Variants in LARP4 observed in about 807,000 individuals in gnomAD.
The protein encoded by LARP4 is la-related protein 4.
A neutral mutation model predicts 92.9 loss-of-function variants in LARP4; 29 were observed. The observed-to-expected ratio is 0.31, with a 90% CI of 0.23 to 0.43. LARP4 has a LOEUF of 0.43. LARP4 is among the 20% of genes least tolerant of loss of function. The probability of loss-of-function intolerance (pLI) is 1.00; values close to 1 mark genes in which losing one functional copy is unlikely to be tolerated. For synonymous variants in LARP4, 279 were observed against 284.1 expected, an observed-to-expected ratio of 0.98 and a Z score of 0.18; for missense variants, 732 against 860.0, an observed-to-expected ratio of 0.85 and a Z score of 1.86.
At chr12:50,454,872 A>G (rs1478443676) in intron 10 of LARP4, 4 of 153,568 alleles carry the variant, frequency 2.6e-5, no homozygotes, top group African/African-American at 7.2e-5. Flanking sequence ...GACAGTAGCT[A>G]ACATTTATTG....
intron 10 of LARP4, among the ~76,000 whole-genome samples, chr12:50,460,627 A>G (rs1203375633): frequency 6.6e-6 from 1 of 151,984 alleles, no homozygotes; most frequent in African/African-American, 2.4e-5. Context: ...TCCAGCCCAC[A>G]ACATTTTTTA....
In LARP4 at chr12:50,467,055, A is replaced by G. The variant is rs1216222883; in HGVS notation, c.1480A>G (p.Met494Val). 5 of 1,613,852 alleles carry G rather than the reference A, an allele frequency of 3.1e-6. No homozygotes were observed. The highest frequency in any genetic ancestry group is 4.2e-6 in the Non-Finnish European group (5 of 1,179,782). The change falls in exon 13 of 16, where the codon ATG becomes GTG. Residue 494 changes from methionine to valine, a missense_variant. This residue lies in a region of LARP4 where 264 missense variants were observed against 269.5 expected (regional missense o/e 0.98). Transcript: ENST00000398473. ...ACCTTTACCTGGAAGTTCATCAAGA[A>G]TGCCAGGTGAACTCGTTTTGGAGAA... ...FPPLPGSSSR[M>V]PGELVLENRM...
intron 1 of LARP4, among the ~76,000 whole-genome samples, chr12:50,414,547 T>C (rs987121151): frequency 2.0e-5 from 3 of 152,216 alleles, no homozygotes; most frequent in African/African-American, 7.2e-5. Flanking sequence ...AGGCGATCCC[T>C]CAGCCTCAGC....
chr12:50,463,918 C>T (rs1955806096), intron 12 of LARP4, among the ~76,000 whole-genome samples: 2 of 152,134 alleles, frequency 1.3e-5, no homozygotes, highest in Non-Finnish European at 2.9e-5. Context: ...TCTGTCTGGA[C>T]TTATACCAGG....
At chr12:50,454,489 T>A (rs1953860385) in intron 10 of LARP4, 72 bp downstream of exon 10, 1 of 1,146,168 alleles carries the variant, frequency 8.7e-7, no homozygotes, top group South Asian at 1.4e-5. Flanking sequence ...AATAGCAATG[T>A]TTGTTGTCAG....
intron 13 of LARP4, among the ~76,000 whole-genome samples, chr12:50,469,282 C>A (rs1220923281): frequency 6.6e-6 from 1 of 151,982 alleles, no homozygotes; most frequent in South Asian, 2.1e-4. Context: ...TGTTTTATCA[C>A]CTTCAAAAAT....
chr12:50,414,535 T>A (rs980490942), intron 1 of LARP4, among the ~76,000 whole-genome samples: 2 of 152,194 alleles, frequency 1.3e-5, no homozygotes, highest in African/African-American at 4.8e-5. Flanking sequence ...ATTCCTTGGG[T>A]TAGGCGATCC....
At chr12:50,471,606 C>T (rs576108298) in intron 13 of LARP4, among the ~76,000 whole-genome samples, 2 of 152,260 alleles carry the variant, frequency 1.3e-5, no homozygotes, top group South Asian at 2.1e-4. Context: ...TTATTGCAAC[C>T]TCCACTGCCA....
chr12:50,456,490 TTTA>T (rs1235504449), intron 10 of LARP4, among the ~76,000 whole-genome samples: 5 of 152,062 alleles, frequency 3.3e-5, no homozygotes, highest in Non-Finnish European at 7.4e-5. Context: ...CTGCCAGGCA[TTTA>T]TTATTATTAT....
intron 5 of LARP4, among the ~76,000 whole-genome samples, chr12:50,436,479 G>A (rs1950484428): frequency 6.6e-6 from 1 of 152,092 alleles, no homozygotes; most frequent in South Asian, 2.1e-4. Context: ...CAAATAAGAA[G>A]TACATTTTTC....
chr12:50,423,657 C>T (rs1339316430), intron 1 of LARP4, among the ~76,000 whole-genome samples: 2 of 151,962 alleles, frequency 1.3e-5, no homozygotes, highest in Non-Finnish European at 2.9e-5. Context: ...CCATATTGGC[C>T]AGGCTGATCT....
At chr12:50,446,450 C>T (rs1460041346) in intron 8 of LARP4, among the ~76,000 whole-genome samples, 1 of 105,764 alleles carries the variant, frequency 9.5e-6, no homozygotes, top group Non-Finnish European at 1.8e-5. Flanking sequence ...TTTTTATAGA[C>T]GGAGTCTCGC....
chr12:50,401,070 A>G (rs1386213907), intron 1 of LARP4, 42 bp downstream of exon 1: 1 of 1,610,552 alleles, frequency 6.2e-7, no homozygotes, highest in Non-Finnish European at 8.5e-7. Flanking sequence ...TTAGGAGAGC[A>G]GGAGTGTAGA....
At chr12:50,435,857 C>G (rs1373153920) in intron 5 of LARP4, among the ~76,000 whole-genome samples, 1 of 151,700 alleles carries the variant, frequency 6.6e-6, no homozygotes, top group African/African-American at 2.4e-5. Context: ...CTCACTGCAG[C>G]CCCAAACTCC....
chr12:50,475,990 T>A lies in LARP4; in HGVS notation c.*126T>A. 1.3e-6 allele frequency: 1 copy of A among 793,384 alleles called. No homozygotes were observed. The highest frequency in any genetic ancestry group is 2.0e-6 in the Non-Finnish European group (1 of 510,524). 49.1% of individuals were successfully genotyped at this position (793,384 alleles called of 1,614,324 possible). A position where few individuals can be genotyped will look rare whatever the true frequency, so the allele number is the denominator to read the frequency against. On this transcript the variant is annotated 3_prime_UTR_variant, in exon 16 of 16. Transcript: ENST00000398473. ...ACAAGAGAAAGTACGTCCATTTCAT[T>A]ATGGATTTTGGAGTTGTGAGTGATA...
intron 3 of LARP4, among the ~76,000 whole-genome samples, chr12:50,429,763 C>T (rs1340481195): frequency 4.6e-5 from 7 of 152,022 alleles, no homozygotes; most frequent in South Asian, 2.1e-4. Context: ...CTCAGCCTCC[C>T]GAGTAGCTGG....
chr12:50,435,860 C>A (rs913999479), intron 5 of LARP4, among the ~76,000 whole-genome samples: 1 of 151,882 alleles, frequency 6.6e-6, no homozygotes, highest in African/African-American at 2.4e-5. Context: ...ACTGCAGCCC[C>A]AAACTCCTGG....
chr12:50,408,544 T>C (rs1239904666), intron 1 of LARP4, among the ~76,000 whole-genome samples: 1 of 152,048 alleles, frequency 6.6e-6, no homozygotes, highest in Non-Finnish European at 1.5e-5. Context: ...TAATGCAGGG[T>C]AGAAAAGTCT....
intron 2 of LARP4, 84 bp downstream of exon 2, chr12:50,427,993 CTTTTTTTTTT>C (rs781256448): frequency 3.3e-6 from 1 of 305,832 alleles, no homozygotes; most frequent in East Asian, 5.8e-5. Flanking sequence ...AGACACATCT[CTTTTTTTTTT>C]TTTTTTTTTT....
Sources: gnomAD v4.1 joint callset for allele counts (sites outside exome capture counted in the v4.1 genomes callset) on GRCh38, gnomAD v4.1.1 for gene constraint, gnomAD v4.1.1 regional missense constraint, MANE v1.5 for transcripts, NCBI Gene and HGNC (gene_info 2026-07-23, HGNC 2026-07-21) for gene names.